GEN1: variants seen among roughly 807,000 people sequenced by gnomAD.
GEN1 encodes GEN1 structure-specific endonuclease, also known as flap endonuclease GEN homolog 1.
In GEN1, 64 loss-of-function variants were observed where a neutral mutation model predicts 67.6. The observed-to-expected ratio is 0.95, with a 90% CI of 0.77 to 1.17. The LOEUF (loss-of-function observed/expected upper bound fraction) is 1.17, where lower values mean the gene tolerates loss of function less well. Among genes scored for constraint, GEN1 ranks in the 50% most tolerant of loss-of-function variants. The probability of loss-of-function intolerance (pLI) is 0.00; values close to 1 mark genes in which losing one functional copy is unlikely to be tolerated. For synonymous variants in GEN1, 371 were observed against 359.4 expected (o/e 1.03, Z -0.37); for missense variants, 1,058 against 1,048.3 (o/e 1.01, Z -0.13).
chr2:17,772,644 G>C lies in GEN1; in HGVS notation c.813G>C (p.Lys271Asn). Reference protein sequence around the residue: ...CSVCSHPGSPKDHERNGCRLC... With the variant: ...CSVCSHPGSPNDHERNGCRLC... ...TGGGTCTCCATAAAGGTTCACCTAA[G>C]GATCATGAACGTAATGGATGCAGAT... The change falls in exon 8 of 14, where the codon AAG becomes AAC. Residue 271 changes from lysine (K) to asparagine (N), a missense_variant. By Grantham distance (94) the Lys-to-Asn change is moderately conservative (BLOSUM62 0). Transcript: ENST00000381254. 1.9e-6 allele frequency: 3 copies of C among 1,608,712 alleles called. No homozygotes were observed. Among genetic ancestry groups the C allele is most frequent in the Non-Finnish European group, 2.5e-6 (3 of 1,177,632 alleles).
At chr2:17,754,648 C>G (rs1327422372) in intron 1 of GEN1, 1 of 152,260 alleles carries the variant, frequency 6.6e-6, no homozygotes, top group Non-Finnish European at 1.5e-5. Context: ...GGGGATAATT[C>G]CCACGCCTCG....
At position 17,764,938 on chromosome 2, in the gene GEN1, G is replaced by C. The variant is rs200681783; in HGVS notation, c.390G>C (p.Gln130His). 1 of 1,614,158 alleles carries C rather than the reference G, an allele frequency of 6.2e-7. No homozygotes were observed. Among genetic ancestry groups the C allele is most frequent in the Admixed American group, 1.7e-5 (1 of 60,024 alleles). The change falls in exon 4 of 14, where the codon CAG (glutamine) becomes CAC (histidine). Residue 130 changes from glutamine to histidine, a missense_variant. Gln to His is a conservative substitution (Grantham distance 24, BLOSUM62 0). Transcript: ENST00000381254. ...AATGCTTAGGAATCCCCTGGGTTCA[G>C]GCTGCTGGGGAAGCTGAAGCCATGT... is the stretch of plus-strand genomic sequence containing the variant. ...MLECLGIPWV[Q>H]AAGEAEAMCA...
At chr2:17,764,178 A>G (rs1322033260) in intron 3 of GEN1, among the ~76,000 whole-genome samples, 13 of 152,354 alleles carry the variant, frequency 8.5e-5, no homozygotes, top group African/African-American at 2.2e-4. Context: ...TTGATTTCCT[A>G]GGAGGACACT....
rs139014636 is a variant in GEN1, at chr2:17,758,937, A to G, written c.-15-992A>G. On this transcript the variant is annotated intron_variant, in intron 1 of 13. Transcript: ENST00000381254. ...GGTTCAGAAAAACAGGGTAAGTCAC[A>G]GACAGCAACGCTTCCAGCATTTATT... Among the ~76,000 whole-genome samples, 8 of 152,258 alleles carry G rather than the reference A, an allele frequency of 5.3e-5. No homozygotes were observed. The East Asian group carries it at 1.5e-3, about 29-fold the overall frequency.
intron 8 of GEN1, 141 bp downstream of exon 8, chr2:17,772,925 AT>A: frequency 3.3e-6 from 3 of 922,888 alleles, no homozygotes; most frequent in South Asian, 3.8e-5. Flanking sequence ...CTGTTCAAAA[AT>A]TTAGCTAACC....
chr2:17,768,837 G>A (rs1213889791), intron 6 of GEN1, 26 bp downstream of exon 6: 2 of 1,359,878 alleles, frequency 1.5e-6, no homozygotes, highest in African/African-American at 1.4e-5. Flanking sequence ...TTTCTCTTGT[G>A]ACATTGAACC....
intron 11 of GEN1, among the ~76,000 whole-genome samples, chr2:17,777,581 C>T (rs1032779562): frequency 1.3e-4 from 20 of 152,180 alleles, no homozygotes; most frequent in South Asian, 2.1e-4. Flanking sequence ...ATTAAACTCA[C>T]CTATTAAAAG....
intron 5 of GEN1, among the ~76,000 whole-genome samples, chr2:17,767,210 C>G (rs918340766): frequency 6.6e-5 from 10 of 152,168 alleles, no homozygotes; most frequent in African/African-American, 2.4e-4. Context: ...ATCTAGTGCT[C>G]TGTAACAAAT....
At chr2:17,769,414 C>T (rs1224903905) in intron 6 of GEN1, among the ~76,000 whole-genome samples, 5 of 152,086 alleles carry the variant, frequency 3.3e-5, no homozygotes, top group African/African-American at 1.2e-4. Flanking sequence ...TATTAGCTCA[C>T]TAAACACATT....
intron 3 of GEN1, among the ~76,000 whole-genome samples, chr2:17,763,220 A>G (rs1671763493): frequency 6.6e-6 from 1 of 152,164 alleles, no homozygotes; most frequent in Non-Finnish European, 1.5e-5. Flanking sequence ...CACTTTTAAA[A>G]ATAGTTTTCA....
chr2:17,778,758 C>G (rs1672678053), intron 12 of GEN1, among the ~76,000 whole-genome samples: 1 of 149,764 alleles, frequency 6.7e-6, no homozygotes, highest in African/African-American at 2.5e-5. Context: ...TAAAATACTC[C>G]TGGGGTACAC....
At chr2:17,779,829 T>G (rs760704558) in intron 12 of GEN1, 149 bp from the exon 13 acceptor site, 1 of 512,284 alleles carries the variant, frequency 2.0e-6, no homozygotes, top group Admixed American at 3.6e-5. Context: ...CTGGTGTTGG[T>G]CAGGCTGGTC....
Position 17,787,374 on chromosome 2 carries a change from A to AGAT in GEN1, c.*5437_*5439dup, listed in dbSNP as rs1177711651. On this transcript the variant is annotated 3_prime_UTR_variant, in exon 14 of 14. Transcript: ENST00000381254. The stretch of plus-strand genomic sequence containing the variant: ...AGTCTTATTTCTGTTCACTTCCCCC[A>AGAT]GATGCCTACACAGGGTTTGACTCTT... The AGAT allele has an allele frequency of 6.6e-6, 1 of 152,158 alleles. No individual in the cohort carries two copies. The highest frequency in any genetic ancestry group is 1.5e-5 in the Non-Finnish European group (1 of 68,040). 9.4% of individuals were successfully genotyped at this position (152,158 alleles called of 1,614,324 possible).
At position 17,778,059 on chromosome 2, in the gene GEN1, G is replaced by A. The variant is rs1672525792; in HGVS notation, c.1260G>A (p.Lys420=). ...ATTGTTTTGAAATAGAATGGGAAAAGCCTGGTATGTATTCACTTTAAGCAA... is the reference window on the plus strand; with the variant it reads ...ATTGTTTTGAAATAGAATGGGAAAAACCTGGTATGTATTCACTTTAAGCAA... ...GVHCFEIEWE[K]PEHYAMEDKQ... Residue 420 remains lysine, a synonymous_variant, in exon 12 of 14, where the codon AAG becomes AAA. Transcript: ENST00000381254. 2 of 1,586,002 alleles carry A rather than the reference G, an allele frequency of 1.3e-6. No individual in the cohort carries two copies. Among genetic ancestry groups the A allele is most frequent in the Non-Finnish European group, 1.7e-6 (2 of 1,157,002 alleles).
At chr2:17,775,966 A>T (rs1672405774) in intron 11 of GEN1, among the ~76,000 whole-genome samples, 1 of 151,970 alleles carries the variant, frequency 6.6e-6, no homozygotes, top group South Asian at 2.1e-4. Flanking sequence ...AATACAAAAA[A>T]TTAGCCAGGC....
At chr2:17,775,265 T>C (rs1263202042) in intron 11 of GEN1, among the ~76,000 whole-genome samples, 1 of 152,090 alleles carries the variant, frequency 6.6e-6, no homozygotes, top group Non-Finnish European at 1.5e-5. Flanking sequence ...AAATAGTTGT[T>C]GAAATAAAAA....
chr2:17,773,270 T>TA lies in GEN1; in HGVS notation c.1043dup (p.Tyr348Ter). The TA allele has an allele frequency of 6.3e-7, 1 of 1,599,340 alleles. No homozygotes were observed. Among genetic ancestry groups the TA allele is most frequent in the Non-Finnish European group, 8.5e-7 (1 of 1,170,260 alleles). Reference sequence around the variant, plus strand: ...GGATAAATTGGTGAAGGTTATCAGGTACCAAAGACCTGATTTGTTATTGTT... The same window carrying TA: ...GGATAAATTGGTGAAGGTTATCAGGTAACCAAAGACCTGATTTGTTATTGTT... ...NKDKLVKVIR[Y>*]QRPDLLLFQR... Residue 348 changes from tyrosine (Y) to a stop codon, truncating the protein, a stop_gained and frameshift_variant, in exon 10 of 14, where the codon TAC becomes TAAC. Coordinates refer to ENST00000381254, the MANE Select transcript of GEN1 (RefSeq NM_001130009.3). LOFTEE classifies it high-confidence loss of function.
chr2:17,762,975 G>A (rs1671755923), intron 3 of GEN1, among the ~76,000 whole-genome samples: 1 of 152,282 alleles, frequency 6.6e-6, no homozygotes, highest in Non-Finnish European at 1.5e-5. Flanking sequence ...ATATGCATTT[G>A]TCTTTTAATA....
intron 6 of GEN1, among the ~76,000 whole-genome samples, chr2:17,769,855 A>C (rs1325777724): frequency 6.6e-6 from 1 of 152,204 alleles, no homozygotes; most frequent in Non-Finnish European, 1.5e-5. Context: ...GAACTAGGAC[A>C]CTGGGAAACT....
Sources: allele counts gnomAD v4.1 joint callset (sites outside exome capture counted in the v4.1 genomes callset), GRCh38; gene constraint gnomAD v4.1.1; transcripts MANE v1.5; gene names NCBI Gene and HGNC (gene_info 2026-07-23, HGNC 2026-07-21).